Variants in NT5C2 observed in about 807,000 individuals in gnomAD.
NT5C2 encodes the protein cytosolic purine 5'-nucleotidase.
Under a neutral mutation model 76.1 loss-of-function variants are expected in NT5C2, and 58 were observed. That is an observed-to-expected ratio of 0.76 (90% confidence interval 0.62 to 0.95). The LOEUF is 0.95. NT5C2 is among the 40% of genes least tolerant of loss of function. The probability of loss-of-function intolerance (pLI) is 0.00; values close to 1 mark genes in which losing one functional copy is unlikely to be tolerated. For missense variants in NT5C2, 478 were observed against 690.3 expected (o/e 0.69, Z 3.45); for synonymous variants, 229 against 237.4 (o/e 0.96, Z 0.32).
intron 1 of NT5C2, among the ~76,000 whole-genome samples, chr10:103,186,222 C>T (rs2091993659): frequency 6.6e-6 from 1 of 152,202 alleles, no homozygotes; most frequent in Non-Finnish European, 1.5e-5. Context: ...ACTACAGTTT[C>T]TTCCATTGCA....
chr10:103,129,513 C>T (rs1427047107), intron 4 of NT5C2, among the ~76,000 whole-genome samples: 2 of 116,750 alleles, frequency 1.7e-5, no homozygotes, highest in East Asian at 5.6e-4. Flanking sequence ...CCGCCCCGTC[C>T]GGGAGGGAGG....
At chr10:103,182,291 A>G (rs1358406538) in intron 1 of NT5C2, among the ~76,000 whole-genome samples, 2 of 152,170 alleles carry the variant, frequency 1.3e-5, no homozygotes, top group Non-Finnish European at 2.9e-5. Flanking sequence ...TAATAGGGTA[A>G]TAATAGCAGT....
At chr10:103,114,265 C>A (rs1815074038) in intron 4 of NT5C2, among the ~76,000 whole-genome samples, 1 of 151,714 alleles carries the variant, frequency 6.6e-6, no homozygotes, top group South Asian at 2.1e-4. Flanking sequence ...AATACAACAA[C>A]AAAAAAAATT....
chr10:103,176,271 A>C (rs772853444), intron 2 of NT5C2, among the ~76,000 whole-genome samples: 17 of 152,032 alleles, frequency 1.1e-4, no homozygotes, highest in Non-Finnish European at 2.5e-4. Flanking sequence ...TTTTCCTCTT[A>C]AGGCCAGCTG....
At chr10:103,173,458 A>G (rs1200764697) in intron 3 of NT5C2, among the ~76,000 whole-genome samples, 1 of 151,418 alleles carries the variant, frequency 6.6e-6, no homozygotes, top group African/African-American at 2.4e-5. Context: ...TCTACCAAAA[A>G]TACAAAAAAT....
chr10:103,184,612 G>A (rs752235942), intron 1 of NT5C2, among the ~76,000 whole-genome samples: 1 of 152,110 alleles, frequency 6.6e-6, no homozygotes, highest in African/African-American at 2.4e-5. Flanking sequence ...ACCATTAAAC[G>A]TCTACACATG....
intron 4 of NT5C2, among the ~76,000 whole-genome samples, chr10:103,116,856 T>C (rs1358890580): frequency 6.6e-6 from 1 of 152,066 alleles, no homozygotes; most frequent in Non-Finnish European, 1.5e-5. Flanking sequence ...ATTACAGTCA[T>C]GAAACACGAT....
At position 103,125,398 on chromosome 10, in the gene NT5C2, A is replaced by G. The variant is rs188921763; in HGVS notation, c.175+14008T>C. The G allele has an allele frequency of 2.8e-4, 80 of 282,990 alleles. 1 individual carries two copies. In the East Asian group the frequency reaches 6.6e-3, roughly 23 times the overall value. The allele number at this position is 282,990 out of a possible 1,614,324, so 17.5% of individuals were successfully genotyped here. A position where few individuals can be genotyped will look rare whatever the true frequency, so the allele number is the denominator to read the frequency against. On this transcript the variant is annotated intron_variant, in intron 4 of 18. Coordinates refer to ENST00000404739, the MANE Select transcript of NT5C2 (RefSeq NM_001351169.2). ...CTGATGCTCTTGAGGGCATCAGCCA[A>G]GTCGTTCATGTGCACCATTGTGGTG...
chr10:103,144,649 T>A (rs1256068966), intron 3 of NT5C2, among the ~76,000 whole-genome samples: 3 of 152,232 alleles, frequency 2.0e-5, no homozygotes, highest in African/African-American at 7.2e-5. Flanking sequence ...TAATCATTGC[T>A]ACATATCCAT....
intron 2 of NT5C2, among the ~76,000 whole-genome samples, chr10:103,175,397 G>A (rs1281283770): frequency 2.0e-5 from 3 of 152,130 alleles, no homozygotes; most frequent in Non-Finnish European, 4.4e-5. Flanking sequence ...TAGAACAGTA[G>A]CAGGCACAGC....
intron 4 of NT5C2, among the ~76,000 whole-genome samples, chr10:103,131,133 G>C (rs958291841): frequency 2.0e-5 from 3 of 152,200 alleles, no homozygotes; most frequent in Non-Finnish European, 2.9e-5. Context: ...ACACGACTTT[G>C]AGATGTTATG....
intron 3 of NT5C2, among the ~76,000 whole-genome samples, chr10:103,171,340 T>A (rs181241591): frequency 6.6e-6 from 1 of 152,394 alleles, no homozygotes; most frequent in East Asian, 1.9e-4. Flanking sequence ...AGCTTTCCTA[T>A]ACAGAGAAGA....
intron 4 of NT5C2, among the ~76,000 whole-genome samples, chr10:103,127,997 C>G (rs1191201211): frequency 7.9e-5 from 12 of 151,756 alleles, no homozygotes; most frequent in South Asian, 2.1e-4. Flanking sequence ...CCCATACCCA[C>G]CCCCTGCAAA....
intron 4 of NT5C2, among the ~76,000 whole-genome samples, chr10:103,130,064 C>G (rs1382770184): frequency 6.6e-6 from 1 of 151,822 alleles, no homozygotes; most frequent in Non-Finnish European, 1.5e-5. Context: ...TGCCCAACAG[C>G]TCATTGAGAA....
chr10:103,193,183 C>G (rs940406477), intron 1 of NT5C2, 53 bp downstream of exon 1: 1 of 152,214 alleles, frequency 6.6e-6, no homozygotes, highest in African/African-American at 2.4e-5. Context: ...CCCCACCTAG[C>G]TCCCCGTTCG....
At chr10:103,156,020 G>T (rs1213364227) in intron 3 of NT5C2, among the ~76,000 whole-genome samples, 1 of 152,038 alleles carries the variant, frequency 6.6e-6, no homozygotes. Context: ...TTAAAAATTA[G>T]CCAGGTATGG....
At chr10:103,137,818 T>TA (rs1334880320) in intron 4 of NT5C2, among the ~76,000 whole-genome samples, 15 of 152,216 alleles carry the variant, frequency 9.9e-5, no homozygotes, top group African/African-American at 1.4e-4. Flanking sequence ...AACTACTGAT[T>TA]AATACATTGA....
At chr10:103,102,481 G>A (rs780811846) in intron 6 of NT5C2, among the ~76,000 whole-genome samples, 1 of 152,054 alleles carries the variant, frequency 6.6e-6, no homozygotes, top group Non-Finnish European at 1.5e-5. Context: ...AGAGAGATCA[G>A]CTGTGCAACC....
At chr10:103,122,741 A>G (rs1024905077) in intron 4 of NT5C2, among the ~76,000 whole-genome samples, 2 of 152,170 alleles carry the variant, frequency 1.3e-5, no homozygotes, top group African/African-American at 2.4e-5. Context: ...TCATCCTTAT[A>G]CCACGAGGAA....
Sources: allele counts gnomAD v4.1 joint callset (sites outside exome capture counted in the v4.1 genomes callset), GRCh38; gene constraint gnomAD v4.1.1; transcripts MANE v1.5; gene names NCBI Gene and HGNC (gene_info 2026-07-23, HGNC 2026-07-21).